The following CDKL5 variants were observed in gnomAD, a reference collection of about 807,000 sequenced individuals.
CDKL5 encodes the protein cyclin-dependent kinase-like 5.
CDKL5 carries 8 observed loss-of-function variants against 61.7 expected under a neutral mutation model. That is an observed-to-expected ratio of 0.13 (90% CI 0.08 to 0.23). CDKL5 has a LOEUF of 0.23. Among genes scored for constraint, CDKL5 ranks in the 10% least tolerant of loss-of-function variants. CDKL5 has a pLI of 1.00. For missense variants in CDKL5, 440 were observed against 734.5 expected (o/e 0.60, Z 4.63); for synonymous variants, 275 against 272.3 (o/e 1.01, Z -0.10).
At chrX:18,490,323 C>G (rs1186429517) in intron 1 of CDKL5, among the ~76,000 whole-genome samples, 1 of 111,449 alleles carries the variant, frequency 9.0e-6, no homozygotes, top group Non-Finnish European at 1.9e-5. Context: ...GCCTGGGGAC[C>G]TGGGACTTGT....
intron 3 of CDKL5, among the ~76,000 whole-genome samples, chrX:18,560,242 C>G (rs1924754670): frequency 9.0e-6 from 1 of 111,668 alleles, no homozygotes; most frequent in Admixed American, 9.5e-5. Flanking sequence ...AGTTTACAGT[C>G]CCACCAACAG....
intron 2 of CDKL5, among the ~76,000 whole-genome samples, chrX:18,509,246 C>CACACACACAG (rs1555940191): frequency 1.0e-5 from 1 of 97,242 alleles, no homozygotes; most frequent in East Asian, 3.8e-4. Flanking sequence ...CACACACACA[C>CACACACACAG]CCCTGTCAAG....
At chrX:18,577,565 G>C (rs1394907873) in intron 5 of CDKL5, among the ~76,000 whole-genome samples, 1 of 112,341 alleles carries the variant, frequency 8.9e-6, no homozygotes, top group Non-Finnish European at 1.9e-5. Context: ...TAGTGTGGCA[G>C]CTCTGCTCCA....
chrX:18,490,083 C>T (rs1191939924), intron 1 of CDKL5, among the ~76,000 whole-genome samples: 2 of 111,639 alleles, frequency 1.8e-5, no homozygotes, highest in African/African-American at 6.5e-5. Context: ...CTGGTGTGCT[C>T]TGAGAAGGCA....
intron 1 of CDKL5, among the ~76,000 whole-genome samples, chrX:18,481,955 C>G (rs180689395): frequency 2.3e-3 from 252 of 110,317 alleles, no homozygotes; most frequent in African/African-American, 7.4e-3. Flanking sequence ...GAGAAACTTT[C>G]GTCTTGGCTA....
At chrX:18,610,039 GA>G (rs1483169159) in intron 14 of CDKL5, among the ~76,000 whole-genome samples, 3 of 111,615 alleles carry the variant, frequency 2.7e-5, no homozygotes, top group Non-Finnish European at 5.7e-5. Context: ...TACAAGGGGG[GA>G]AAAAATAGAG....
At chrX:18,435,810 AC>A (rs1394399872) in intron 1 of CDKL5, among the ~76,000 whole-genome samples, 3 of 111,105 alleles carry the variant, frequency 2.7e-5, no homozygotes, top group Non-Finnish European at 5.7e-5. Flanking sequence ...CAAGAGATCC[AC>A]CCACCTTGGC....
At chrX:18,484,583 G>T (rs1453132353) in intron 1 of CDKL5, among the ~76,000 whole-genome samples, 1 of 111,107 alleles carries the variant, frequency 9.0e-6, no homozygotes, top group Non-Finnish European at 1.9e-5. Flanking sequence ...CTCCCAAGGT[G>T]CTGGGATTAC....
At chrX:18,651,545 G>A (rs988753391) in intron 21 of CDKL5, among the ~76,000 whole-genome samples, 2 of 111,130 alleles carry the variant, frequency 1.8e-5, no homozygotes, top group Non-Finnish European at 3.8e-5. Flanking sequence ...CAGAAAACTT[G>A]GGAAGGTCCC....
intron 1 of CDKL5, among the ~76,000 whole-genome samples, chrX:18,490,788 C>T (rs755625376): frequency 5.1e-4 from 57 of 111,990 alleles, no homozygotes; most frequent in African/African-American, 1.7e-3. Context: ...AGTAATTTTA[C>T]GTACCCTTCT....
intron 1 of CDKL5, among the ~76,000 whole-genome samples, chrX:18,436,922 AG>A (rs1931623981): frequency 1.9e-5 from 2 of 105,427 alleles, no homozygotes; most frequent in Non-Finnish European, 1.9e-5. Context: ...AAAAAAAAAA[AG>A]AACTGAAAGA....
chrX:18,554,795 T>G lies in CDKL5; in HGVS notation c.100-9682T>G, dbSNP rs922926971. ...AATCATTGTTTTATAAAAATGAGTG[T>G]AGACATTTTAGTGTTGTGATAATTT... On this transcript the variant is annotated intron_variant, in intron 3 of 17. Transcript: ENST00000623535. 2.7e-5 allele frequency among the ~76,000 whole-genome samples: 3 copies of G among 111,990 alleles called. No homozygotes were observed. In the Admixed American group the frequency reaches 2.9e-4, roughly 11 times the overall value.
intron 6 of CDKL5, among the ~76,000 whole-genome samples, chrX:18,580,756 G>C (rs1283731659): frequency 5.4e-5 from 6 of 111,748 alleles, no homozygotes; most frequent in Middle Eastern, 4.6e-3. Flanking sequence ...TTTGTCTTTA[G>C]ATTAGCAGAT....
chrX:18,467,771 A>G (rs952972939), intron 1 of CDKL5, among the ~76,000 whole-genome samples: 2 of 112,200 alleles, frequency 1.8e-5, no homozygotes, highest in African/African-American at 3.2e-5. Flanking sequence ...GACAGTTACA[A>G]TGAGCAAGGG....
Position 18,631,275 on chromosome X carries a change from A to G in CDKL5, c.*2518A>G. The G allele has an allele frequency of 1.3e-6, 1 of 753,787 alleles. No homozygotes were observed. The highest frequency in any genetic ancestry group is 1.6e-6 in the Non-Finnish European group (1 of 638,751). The allele number at this position is 753,787 out of a possible 1,213,427, so 62.1% of individuals were successfully genotyped here. A position where few individuals can be genotyped will look rare whatever the true frequency, so the allele number is the denominator to read the frequency against. On this transcript the variant is annotated 3_prime_UTR_variant, in exon 18 of 18. Transcript: ENST00000623535. ...CCCAGATTTGAGCCAGAAAATACCTACAGATATCTACAAATGTTTTCAACC... is the reference window on the plus strand; with the variant it reads ...CCCAGATTTGAGCCAGAAAATACCTGCAGATATCTACAAATGTTTTCAACC...
chrX:18,628,795 A>T lies in CDKL5; in HGVS notation c.*38A>T. Reference sequence around the variant, plus strand: ...GGGGGGAGGGGTGGACAGACAAGCCAGTGGGGAGGGGTGGGAAAGGGTGGG... The same window carrying T: ...GGGGGGAGGGGTGGACAGACAAGCCTGTGGGGAGGGGTGGGAAAGGGTGGG... On this transcript the variant is annotated 3_prime_UTR_variant, in exon 18 of 18. Coordinates refer to ENST00000623535, the MANE Select transcript of CDKL5 (RefSeq NM_001323289.2). 7.0e-6 allele frequency: 1 copy of T among 142,174 alleles called. No individual in the cohort carries two copies. The highest frequency in any genetic ancestry group is 8.0e-6 in the Non-Finnish European group (1 of 124,523). 11.7% of individuals were successfully genotyped at this position (142,174 alleles called of 1,213,427 possible). A position where few individuals can be genotyped will look rare whatever the true frequency, so the allele number is the denominator to read the frequency against.
intron 2 of CDKL5, among the ~76,000 whole-genome samples, chrX:18,509,197 G>GCACACACACA (rs60516677): frequency 0.024 from 1,543 of 64,255 alleles, 63 homozygotes; most frequent in Non-Finnish European, 0.025. Context: ...CTCAAAACAC[G>GCACACACACA]CACACACACA....
chrX:18,481,637 C>T (rs1475132415), intron 1 of CDKL5, among the ~76,000 whole-genome samples: 2 of 107,777 alleles, frequency 1.9e-5, no homozygotes, highest in Non-Finnish European at 3.8e-5. Context: ...GCTAGGATTA[C>T]AGACATGAGC....
rs771972023 is a variant in CDKL5, at chrX:18,508,025, TA to T, written c.64+874del. Among the ~76,000 whole-genome samples the T allele has an allele frequency of 6.3e-4, 70 of 110,424 alleles. 4 individuals are homozygous for T. The highest frequency in any genetic ancestry group is 4.5e-3 in the East Asian group (16 of 3,522). On this transcript the variant is annotated intron_variant, in intron 2 of 17. Transcript: ENST00000623535. ...ATGTCATTTTGTATAAACTGACTCCTAAAAAAAAATCATTTCTTCTGATTTT... is the reference window on the plus strand; with the variant it reads ...ATGTCATTTTGTATAAACTGACTCCTAAAAAAAATCATTTCTTCTGATTTT...
Sources: gnomAD v4.1 joint callset for allele counts (sites outside exome capture counted in the v4.1 genomes callset) on GRCh38, gnomAD v4.1.1 for gene constraint, MANE v1.5 for transcripts, NCBI Gene and HGNC (gene_info 2026-07-23, HGNC 2026-07-21) for gene names.